CD48: variants seen among roughly 807,000 people sequenced by gnomAD.
CD48 encodes the protein CD48 antigen.
In CD48, 20 loss-of-function variants were observed where a neutral mutation model predicts 22.0. The observed-to-expected ratio is 0.91, with a 90% confidence interval of 0.64 to 1.32. CD48 has a LOEUF of 1.32. CD48 is among the 40% of genes most tolerant of loss of function. The probability of loss-of-function intolerance (pLI) is 0.00; values close to 1 mark genes in which losing one functional copy is unlikely to be tolerated. For synonymous variants in CD48, 110 were observed against 110.1 expected, an observed-to-expected ratio of 1.00 and a Z score of 0.01; for missense variants, 307 against 286.5, an observed-to-expected ratio of 1.07 and a Z score of -0.52.
In CD48 at chr1:160,703,633, CA is replaced by C. The variant is rs147450430; in HGVS notation, c.82+8048del. Among the ~76,000 whole-genome samples, 583 of 152,290 alleles carry C rather than the reference CA, an allele frequency of 3.8e-3. 4 individuals carry two copies. The highest frequency in any genetic ancestry group is 0.013 in the African/African-American group (539 of 41,556). ...AAGCAATCAACACACTAACAGAACACACTGTATAGTATGTAAGGAGATGATA... is the reference window on the plus strand; with the variant it reads ...AAGCAATCAACACACTAACAGAACACCTGTATAGTATGTAAGGAGATGATA... On this transcript the variant is annotated intron_variant, in intron 1 of 3. Coordinates refer to ENST00000368046, the MANE Select transcript of CD48 (RefSeq NM_001778.4).
chr1:160,682,530 AG>A, intron 2 of CD48, among the ~76,000 whole-genome samples: 1 of 136,360 alleles, frequency 7.3e-6, no homozygotes, highest in East Asian at 2.6e-4. Flanking sequence ...AAAAAGAAAA[AG>A]AAGGGAGGGA....
chr1:160,703,286 A>G (rs189182505), intron 1 of CD48, among the ~76,000 whole-genome samples: 78 of 152,346 alleles, frequency 5.1e-4, no homozygotes, highest in African/African-American at 1.8e-3. Context: ...AAGTGACTTC[A>G]GTACGAAAAG....
At chr1:160,683,144 C>G (rs1010467913) in intron 2 of CD48, among the ~76,000 whole-genome samples, 19 of 152,186 alleles carry the variant, frequency 1.2e-4, no homozygotes, top group African/African-American at 4.3e-4. Context: ...CAATTTTTAT[C>G]CTGGTTTTCA....
chr1:160,697,213 A>G (rs1180658898), intron 1 of CD48, among the ~76,000 whole-genome samples: 1 of 152,222 alleles, frequency 6.6e-6, no homozygotes, highest in African/African-American at 2.4e-5. Context: ...CGTGGGGGAG[A>G]GGTTTTGCTT....
At chr1:160,679,929 C>T (rs1661733534) in intron 3 of CD48, among the ~76,000 whole-genome samples, 1 of 152,214 alleles carries the variant, frequency 6.6e-6, no homozygotes, top group Non-Finnish European at 1.5e-5. Flanking sequence ...AGATACCACA[C>T]TGTCACAGTG....
In CD48 at chr1:160,711,682, C is replaced by A; in HGVS notation, c.82G>T (p.Gly28Cys). 6.2e-7 allele frequency: 1 copy of A among 1,610,700 alleles called. No homozygotes were observed. Among genetic ancestry groups the A allele is most frequent in the Non-Finnish European group, 8.5e-7 (1 of 1,176,962 alleles). Residue 28 changes from glycine (G) to cysteine (C), a missense_variant and splice_region_variant, in exon 1 of 4, where the codon GGT (glycine) becomes TGT (cysteine). Coordinates refer to ENST00000368046, the MANE Select transcript of CD48 (RefSeq NM_001778.4). ...PLSLLVTSIQ[G>C]HLVHMTVVSG... is the part of the protein sequence containing the mutation. ...CAGATACACAGTTGGTGGAAAGTAC[C>A]TTGAATGCTGGTCACCAGGAGTGAC...
In CD48 at chr1:160,681,320, G is replaced by C; in HGVS notation, c.534C>G (p.Asn178Lys). Residue 178 changes from asparagine to lysine, a missense_variant, in exon 3 of 4, where the codon AAC becomes AAG. Asn to Lys is a moderately conservative substitution (Grantham distance 94). Coordinates refer to ENST00000368046, the MANE Select transcript of CD48 (RefSeq NM_001778.4). Reference sequence around the variant, plus strand: ...GCATAAGGGTGGTTTCAAGCACACTGTTCTGGAGCTCCTTTGGGAAGGGCC... The same window carrying C: ...GCATAAGGGTGGTTTCAAGCACACTCTTCTGGAGCTCCTTTGGGAAGGGCC... ...DKRPFPKELQ[N>K]SVLETTLMPH... The C allele has an allele frequency of 1.2e-6, 2 of 1,614,174 alleles. No individual in the cohort carries two copies. Among genetic ancestry groups the C allele is most frequent in the Non-Finnish European group, 1.7e-6 (2 of 1,180,008 alleles).
intron 1 of CD48, among the ~76,000 whole-genome samples, chr1:160,698,367 G>T (rs563288): frequency 0.16 from 23,997 of 152,146 alleles, 2,827 homozygotes; most frequent in East Asian, 0.52. Flanking sequence ...ATATTAAAAG[G>T]CATTTTAAAT....
At chr1:160,704,541 G>A (rs763182558) in intron 1 of CD48, among the ~76,000 whole-genome samples, 8 of 152,224 alleles carry the variant, frequency 5.3e-5, no homozygotes, top group Non-Finnish European at 8.8e-5. Context: ...CAATCGGGCT[G>A]CAGGTGGGAA....
At chr1:160,704,731 T>A (rs982870025) in intron 1 of CD48, among the ~76,000 whole-genome samples, 7 of 152,230 alleles carry the variant, frequency 4.6e-5, no homozygotes, top group Non-Finnish European at 5.9e-5. Flanking sequence ...TCTTTTTTTT[T>A]ATTCTAATTG....
chr1:160,711,173 G>T (rs1662933907), intron 1 of CD48, among the ~76,000 whole-genome samples: 1 of 152,150 alleles, frequency 6.6e-6, no homozygotes, highest in African/African-American at 2.4e-5. Context: ...CTCATTCAGA[G>T]ACCCCAGACA....
intron 1 of CD48, among the ~76,000 whole-genome samples, chr1:160,702,422 G>A (rs1662658396): frequency 1.3e-5 from 2 of 152,096 alleles, no homozygotes; most frequent in African/African-American, 4.8e-5. Context: ...CGCAATGTTG[G>A]TCTGAGTTTG....
At chr1:160,683,618 C>T (rs80110046) in intron 2 of CD48, 1 of 151,790 alleles carries the variant, frequency 6.6e-6, no homozygotes, top group Non-Finnish European at 1.5e-5. Flanking sequence ...AATTTTCAGC[C>T]CATATGACAT....
At chr1:160,692,847 G>A (rs1662276408) in intron 1 of CD48, among the ~76,000 whole-genome samples, 1 of 152,110 alleles carries the variant, frequency 6.6e-6, no homozygotes, top group Admixed American at 6.5e-5. Context: ...ATGAAAGAGG[G>A]AGTAAAACAG....
At chr1:160,711,588 C>T in intron 1 of CD48, 94 bp downstream of exon 1, 1 of 926,842 alleles carries the variant, frequency 1.1e-6, no homozygotes, top group African/African-American at 1.6e-5. Flanking sequence ...GACACCAGAT[C>T]TGGCTTCTAG....
At chr1:160,705,557 G>A (rs918146451) in intron 1 of CD48, among the ~76,000 whole-genome samples, 1 of 152,186 alleles carries the variant, frequency 6.6e-6, no homozygotes, top group African/African-American at 2.4e-5. Flanking sequence ...CAACATGCCT[G>A]GCGCTGTGCT....
intron 3 of CD48, chr1:160,680,679 G>A (rs764805500): frequency 2.0e-4 from 203 of 1,012,208 alleles, no homozygotes; most frequent in Non-Finnish European, 2.3e-4. Context: ...CTGGGGAGGA[G>A]AAGCTTCGCC....
chr1:160,710,507 A>G (rs1043398360), intron 1 of CD48, among the ~76,000 whole-genome samples: 1 of 152,224 alleles, frequency 6.6e-6, no homozygotes. Flanking sequence ...AATGACCAAG[A>G]TGAAGCCTAG....
intron 1 of CD48, among the ~76,000 whole-genome samples, chr1:160,706,166 C>A (rs111287847): frequency 0.14 from 21,442 of 152,044 alleles, 1,852 homozygotes; most frequent in Middle Eastern, 0.19. Flanking sequence ...CCTCCACCCC[C>A]CAGGTTCAAG....
Sources: allele counts gnomAD v4.1 joint callset (sites outside exome capture counted in the v4.1 genomes callset), GRCh38; gene constraint gnomAD v4.1.1; transcripts MANE v1.5; gene names NCBI Gene and HGNC (gene_info 2026-07-23, HGNC 2026-07-21).